Variants in TIAL1 observed in about 807,000 individuals in gnomAD.
The protein encoded by TIAL1 is nucleolysin TIAR.
In TIAL1, 7 loss-of-function variants were observed where a neutral mutation model predicts 59.7. That is an observed-to-expected ratio of 0.12 (90% confidence interval 0.07 to 0.22). The LOEUF is 0.22. Among genes scored for constraint, TIAL1 ranks in the 10% least tolerant of loss-of-function variants. TIAL1 has a pLI of 1.00. For missense variants in TIAL1, 225 were observed against 462.5 expected (o/e 0.49, Z 4.71); for synonymous variants, 149 against 146.3 (o/e 1.02, Z -0.13).
chr10:119,580,502 T>C (rs1004330336), intron 5 of TIAL1: 1 of 1,033,808 alleles, frequency 9.7e-7, no homozygotes, highest in African/African-American at 1.7e-5. Flanking sequence ...TTATTTTTCT[T>C]GGTCAATTCT....
intron 2 of TIAL1, among the ~76,000 whole-genome samples, chr10:119,585,123 A>C (rs1845497982): frequency 5.1e-4 from 1 of 1,960 alleles, no homozygotes; most frequent in African/African-American, 1.0e-3. Context: ...ATTCCATCTC[A>C]AAAAAAAAAA....
rs562185199 is a variant in TIAL1, at chr10:119,579,758, TTC to T, written c.447+175_447+176del. The stretch of plus-strand genomic sequence containing the variant: ...ATCATTCTTTTTCTAGCTATTTATT[TTC>T]GAGTTTATGAAAGAGGAATGAAATT... On this transcript the variant is annotated intron_variant, in intron 6 of 11. Transcript: ENST00000436547. 2.4e-4 allele frequency among the ~76,000 whole-genome samples: 36 copies of T among 152,308 alleles called. 2 individuals are homozygous for T. The South Asian group carries it at 7.5e-3, about 32-fold the overall frequency.
At chr10:119,581,684 A>G (rs1302467583) in intron 5 of TIAL1, 3 of 344,328 alleles carry the variant, frequency 8.7e-6, no homozygotes, top group Non-Finnish European at 1.1e-5. Flanking sequence ...GAATCACTTA[A>G]ATTTTTTTTA....
intron 1 of TIAL1, 66 bp from the exon 2 acceptor site, chr10:119,588,314 C>T: frequency 1.1e-6 from 1 of 875,808 alleles, no homozygotes; most frequent in Non-Finnish European, 1.7e-6. Flanking sequence ...GTGTTATCAT[C>T]TAATTCATCA....
At chr10:119,581,091 G>C (rs1845284177) in intron 5 of TIAL1, among the ~76,000 whole-genome samples, 1 of 151,940 alleles carries the variant, frequency 6.6e-6, no homozygotes. Context: ...AGAAAATATT[G>C]TTGTTCTTAG....
At chr10:119,576,926 G>T in intron 10 of TIAL1, 154 bp downstream of exon 10, 1 of 1,309,048 alleles carries the variant, frequency 7.6e-7, no homozygotes, top group Non-Finnish European at 1.0e-6. Flanking sequence ...AAAGTATTAA[G>T]ATTCAGTTAA....
intron 1 of TIAL1, among the ~76,000 whole-genome samples, chr10:119,590,820 G>GAAAC (rs976978885): frequency 6.8e-6 from 1 of 147,158 alleles, no homozygotes; most frequent in East Asian, 2.0e-4. Context: ...AAGAAAGAAA[G>GAAAC]AAACGAACAA....
chr10:119,582,513 G>A lies in TIAL1; in HGVS notation c.174C>T (p.His58=). The change falls in exon 3 of 12, where the codon CAC becomes CAT. Residue 58 remains histidine (H), a synonymous_variant. Transcript: ENST00000436547. The surrounding 1 kb of genome is among the most constrained non-coding windows in gnomAD (Gnocchi z 5.1). Reference sequence around the variant, plus strand: ...CAGCTAATGCAGCAGCTGCATCTCTGTGTTCATAAAATTCCACAAAGCAAT... The same window carrying A: ...CAGCTAATGCAGCAGCTGCATCTCTATGTTCATAAAATTCCACAAAGCAAT... ...DPYCFVEFYE[H]RDAAAALAAM... is the part of the protein sequence containing the mutation. 1 of 1,610,570 alleles carries A rather than the reference G, an allele frequency of 6.2e-7. No homozygotes were observed. Among genetic ancestry groups the A allele is most frequent in the Non-Finnish European group, 8.5e-7 (1 of 1,178,898 alleles).
At chr10:119,593,449 T>C (rs1845991648) in intron 1 of TIAL1, 1 of 982,254 alleles carries the variant, frequency 1.0e-6, no homozygotes, top group Non-Finnish European at 1.2e-6. Context: ...TTTAAAGACC[T>C]ACCTAGGCTC....
intron 7 of TIAL1, among the ~76,000 whole-genome samples, chr10:119,578,417 CTAAT>C (rs1845134096): frequency 6.6e-6 from 1 of 151,974 alleles, no homozygotes. Context: ...TCTTGCAACA[CTAAT>C]TAAATACTAC....
rs139964504 is a variant in TIAL1, at chr10:119,575,698, G to C, written c.1095C>G (p.Ala365=). ...TTTGGTAACTTGCCATACCATATCCGGCTTGGTTAGGAGGAGGTATTACAG... is the reference window on the plus strand; with the variant it reads ...TTTGGTAACTTGCCATACCATATCCCGCTTGGTTAGGAGGAGGTATTACAG... ...PPPVIPPPNQ[A]GYGMASYQTQ Residue 365 remains alanine, a synonymous_variant, in exon 12 of 12, where the codon GCC becomes GCG. Transcript: ENST00000436547. 1 of 1,611,302 alleles carries C rather than the reference G, an allele frequency of 6.2e-7. No homozygotes were observed. Among genetic ancestry groups the C allele is most frequent in the Non-Finnish European group, 8.5e-7 (1 of 1,179,080 alleles).
rs1845335684 is a variant in TIAL1 at position 119,582,129 on chromosome 10, T to G, written c.283+40A>C. The G allele has an allele frequency of 6.2e-7, 1 of 1,600,584 alleles. No individual in the cohort carries two copies. Among genetic ancestry groups the G allele is most frequent in the African/African-American group, 1.4e-5 (1 of 73,830 alleles). On this transcript the variant is annotated intron_variant, in intron 4 of 11. Coordinates refer to ENST00000436547, the MANE Select transcript of TIAL1 (RefSeq NM_003252.4). This position sits in a 1 kb window ranked among gnomAD's most constrained non-coding sequence, Gnocchi z 5.1. ...AGCTGGTAATGCCTCCTGGATAATTTCAGAACTCTTCCACAGTAAAATGCA... is the reference window on the plus strand; with the variant it reads ...AGCTGGTAATGCCTCCTGGATAATTGCAGAACTCTTCCACAGTAAAATGCA...
chr10:119,585,866 TAC>T (rs1169324677), intron 2 of TIAL1, among the ~76,000 whole-genome samples: 1 of 152,176 alleles, frequency 6.6e-6, no homozygotes, highest in Non-Finnish European at 1.5e-5. Context: ...CAGAATTCAC[TAC>T]AGTTGACCAC....
At chr10:119,595,873 C>A (rs1299943057) in intron 1 of TIAL1, among the ~76,000 whole-genome samples, 1 of 152,060 alleles carries the variant, frequency 6.6e-6, no homozygotes, top group Non-Finnish European at 1.5e-5. Flanking sequence ...ACAGCGTGGG[C>A]GGGGGCACGT....
At chr10:119,590,368 G>C (rs929964662) in intron 1 of TIAL1, among the ~76,000 whole-genome samples, 13 of 152,198 alleles carry the variant, frequency 8.5e-5, no homozygotes, top group Non-Finnish European at 1.9e-4. Context: ...TTGTGAGCCT[G>C]TATCTCTGAA....
intron 1 of TIAL1, among the ~76,000 whole-genome samples, chr10:119,591,075 C>CT (rs1313528936): frequency 1.3e-5 from 2 of 152,116 alleles, no homozygotes; most frequent in East Asian, 3.9e-4. Flanking sequence ...CCTTCTATAT[C>CT]TAATAGTCAC....
intron 1 of TIAL1, among the ~76,000 whole-genome samples, chr10:119,590,792 GAAAGAAAGA>G (rs1845832978): frequency 6.8e-6 from 1 of 146,606 alleles, no homozygotes; most frequent in Admixed American, 6.7e-5. Flanking sequence ...AAGAAAGAAA[GAAAGAAAGA>G]AAGAAAGAAA....
intron 2 of TIAL1, among the ~76,000 whole-genome samples, 183 bp downstream of exon 2, chr10:119,587,969 G>C (rs1845655110): frequency 6.6e-6 from 1 of 152,150 alleles, no homozygotes; most frequent in Non-Finnish European, 1.5e-5. Flanking sequence ...TAACAGCACG[G>C]AAACTTTGCC....
chr10:119,582,633 C>T lies in TIAL1; in HGVS notation c.130-76G>A, dbSNP rs754725722. 6.3e-7 allele frequency: 1 copy of T among 1,581,798 alleles called. No individual in the cohort carries two copies. The highest frequency in any genetic ancestry group is 1.9e-5 in the Admixed American group (1 of 52,788). Reference sequence around the variant, plus strand: ...GCTGAGAAGAAAATCCAGGAAAAAACATTACTGATAGCTGGGAATATACAA... The same window carrying T: ...GCTGAGAAGAAAATCCAGGAAAAAATATTACTGATAGCTGGGAATATACAA... On this transcript the variant is annotated intron_variant, in intron 2 of 11. Coordinates refer to ENST00000436547, the MANE Select transcript of TIAL1 (RefSeq NM_003252.4). The surrounding 1 kb of genome is among the most constrained non-coding windows in gnomAD (Gnocchi z 5.1).
Sources: gnomAD v4.1 joint callset for allele counts (sites outside exome capture counted in the v4.1 genomes callset) on GRCh38, gnomAD v4.1.1 for gene constraint, Gnocchi (gnomAD v3.1) non-coding constraint, MANE v1.5 for transcripts, NCBI Gene and HGNC (gene_info 2026-07-23, HGNC 2026-07-21) for gene names.